ATRNL1: variants seen among roughly 807,000 people sequenced by gnomAD.
The protein encoded by ATRNL1 is attractin like 1.
In ATRNL1, 95 loss-of-function variants were observed where a neutral mutation model predicts 182.7. The ratio of observed to expected loss-of-function variants is 0.52; its 90% CI spans 0.44 to 0.62. The LOEUF (loss-of-function observed/expected upper bound fraction) is 0.62, where lower values mean the gene tolerates loss of function less well. ATRNL1 is among the 20% of genes least tolerant of loss of function. ATRNL1 has a pLI of 0.00. For missense variants in ATRNL1, 1,471 were observed against 1,679.5 expected (o/e 0.88, Z 2.17); for synonymous variants, 576 against 568.3 (o/e 1.01, Z -0.19).
intron 26 of ATRNL1, among the ~76,000 whole-genome samples, chr10:115,558,430 C>T (rs1853454276): frequency 6.6e-6 from 1 of 152,134 alleles, no homozygotes; most frequent in African/African-American, 2.4e-5. Context: ...AATTGGCAGC[C>T]CATGCAGATA....
At chr10:115,922,978 T>G (rs1953112397) in intron 28 of ATRNL1, among the ~76,000 whole-genome samples, 1 of 152,200 alleles carries the variant, frequency 6.6e-6, no homozygotes, top group South Asian at 2.1e-4. Context: ...CAGTGTTACT[T>G]TAGCCCACCG....
At chr10:115,721,354 C>T (rs2532718) in intron 26 of ATRNL1, among the ~76,000 whole-genome samples, 45,428 of 152,022 alleles carry the variant, frequency 0.3, 8,568 homozygotes, top group Non-Finnish European at 0.42. Flanking sequence ...CATTGACATG[C>T]ATATGTACTA....
At chr10:115,252,174 C>T (rs1170622467) in intron 10 of ATRNL1, among the ~76,000 whole-genome samples, 7 of 152,024 alleles carry the variant, frequency 4.6e-5, no homozygotes, top group African/African-American at 1.7e-4. Flanking sequence ...CTACAGGCGC[C>T]CGCCACCACG....
intron 28 of ATRNL1, among the ~76,000 whole-genome samples, chr10:115,897,215 A>C (rs1952230606): frequency 6.6e-6 from 1 of 152,208 alleles, no homozygotes; most frequent in Non-Finnish European, 1.5e-5. Flanking sequence ...ATAATTAAGG[A>C]AATGCAAGTT....
intron 26 of ATRNL1, among the ~76,000 whole-genome samples, chr10:115,726,881 G>T (rs11197423): frequency 0.15 from 21,751 of 149,522 alleles, 2,038 homozygotes; most frequent in Non-Finnish European, 0.21. Context: ...TTTCAGCTAA[G>T]ACAAAAATCT....
intron 18 of ATRNL1, among the ~76,000 whole-genome samples, chr10:115,324,970 T>C (rs1438083441): frequency 1.3e-5 from 2 of 152,322 alleles, no homozygotes; most frequent in African/African-American, 4.8e-5. Context: ...GTGGTATATG[T>C]GTTGAAAAAT....
At chr10:115,925,299 T>C (rs185057584) in intron 28 of ATRNL1, among the ~76,000 whole-genome samples, 42 of 151,980 alleles carry the variant, frequency 2.8e-4, no homozygotes, top group Non-Finnish European at 5.6e-4. Context: ...ATAAGAATGG[T>C]GAGAGAGGGC....
intron 21 of ATRNL1, among the ~76,000 whole-genome samples, chr10:115,443,265 A>T (rs1554966088): frequency 6.6e-6 from 1 of 151,992 alleles, no homozygotes; most frequent in Admixed American, 6.6e-5. Flanking sequence ...TTTTGGTCTC[A>T]AAGTCTATAA....
chr10:115,878,811 G>A (rs1425567162), intron 28 of ATRNL1, among the ~76,000 whole-genome samples: 5 of 152,058 alleles, frequency 3.3e-5, no homozygotes, highest in Non-Finnish European at 7.4e-5. Flanking sequence ...TAGCTCCTTC[G>A]CCCAGCAGCA....
chr10:115,257,683 A>G (rs1383750576), intron 10 of ATRNL1, among the ~76,000 whole-genome samples: 1 of 152,166 alleles, frequency 6.6e-6, no homozygotes, highest in Non-Finnish European at 1.5e-5. Flanking sequence ...CTGTTAATTG[A>G]TGCAGTTTCT....
At position 115,520,946 on chromosome 10, in the gene ATRNL1, A is replaced by G. The variant is rs1238375042; in HGVS notation, c.3716+1622A>G. Among the ~76,000 whole-genome samples the G allele has an allele frequency of 2.0e-5, 3 of 152,214 alleles. No individual in the cohort carries two copies. In the East Asian group the frequency reaches 5.8e-4, roughly 29 times the overall value. On this transcript the variant is annotated intron_variant, in intron 25 of 28. Coordinates refer to ENST00000355044, the MANE Select transcript of ATRNL1 (RefSeq NM_207303.4). ...ACATATTTATCACTAATATGTGTAA[A>G]AAGTGCATTCGTACTTTAAATTGTT... is the stretch of plus-strand genomic sequence containing the variant.
chr10:115,925,612 A>G (rs544316505), intron 28 of ATRNL1, among the ~76,000 whole-genome samples: 1 of 152,308 alleles, frequency 6.6e-6, no homozygotes, highest in African/African-American at 2.4e-5. Context: ...AGGGGTTGCA[A>G]TCCTAGTATC....
At chr10:115,864,583 T>C (rs1478916978) in intron 28 of ATRNL1, among the ~76,000 whole-genome samples, 1 of 152,214 alleles carries the variant, frequency 6.6e-6, no homozygotes, top group East Asian at 1.9e-4. Context: ...TCAATATAGC[T>C]AGTAATTAAA....
intron 25 of ATRNL1, among the ~76,000 whole-genome samples, chr10:115,525,991 T>C (rs1851195004): frequency 6.6e-6 from 1 of 152,146 alleles, no homozygotes; most frequent in African/African-American, 2.4e-5. Context: ...TTAATCCCCC[T>C]AATCAGTCTG....
chr10:115,482,056 TC>T (rs1848795330), intron 24 of ATRNL1, among the ~76,000 whole-genome samples: 1 of 150,962 alleles, frequency 6.6e-6, no homozygotes, highest in African/African-American at 2.4e-5. Context: ...CAATAATGGA[TC>T]AAATGAAATA....
intron 28 of ATRNL1, among the ~76,000 whole-genome samples, chr10:115,934,375 C>G (rs1233862348): frequency 6.6e-6 from 1 of 152,198 alleles, no homozygotes; most frequent in Non-Finnish European, 1.5e-5. Context: ...TTCTGCATCT[C>G]TGGCATAGAC....
chr10:115,535,745 A>C (rs1554990022), intron 25 of ATRNL1, among the ~76,000 whole-genome samples: 1 of 151,594 alleles, frequency 6.6e-6, no homozygotes. Context: ...GGTTTTATCT[A>C]CTTTTGGTCT....
intron 8 of ATRNL1, among the ~76,000 whole-genome samples, chr10:115,204,978 C>T (rs1393986668): frequency 2.0e-5 from 3 of 152,010 alleles, no homozygotes; most frequent in South Asian, 2.1e-4. Context: ...AGTTGTAATG[C>T]TCTTTTAAGC....
chr10:115,513,683 C>T (rs1554983212), intron 24 of ATRNL1, among the ~76,000 whole-genome samples: 1 of 151,878 alleles, frequency 6.6e-6, no homozygotes, highest in Non-Finnish European at 1.5e-5. Context: ...CCTTCCATTT[C>T]CATAATTAAT....
Sources: allele counts gnomAD v4.1 joint callset (sites outside exome capture counted in the v4.1 genomes callset), GRCh38; gene constraint gnomAD v4.1.1; transcripts MANE v1.5; gene names NCBI Gene and HGNC (gene_info 2026-07-23, HGNC 2026-07-21).